GULP1: variants seen among roughly 807,000 people sequenced by gnomAD.
GULP1 encodes GULP PTB domain containing engulfment adaptor 1.
GULP1 carries 19 observed loss-of-function variants against 40.9 expected under a neutral mutation model. That is an observed-to-expected ratio of 0.46 (90% CI 0.32 to 0.68). The LOEUF (loss-of-function observed/expected upper bound fraction) is 0.68. Among genes scored for constraint, GULP1 ranks in the 30% least tolerant of loss-of-function variants. The probability of loss-of-function intolerance (pLI) is 0.03; values close to 1 mark genes in which losing one functional copy is unlikely to be tolerated. For missense variants in GULP1, 312 were observed against 362.2 expected (o/e 0.86, Z 1.12); for synonymous variants, 119 against 117.6 (o/e 1.01, Z -0.08).
At chr2:188,427,756 T>G (rs557678874) in intron 2 of GULP1, among the ~76,000 whole-genome samples, 1 of 152,308 alleles carries the variant, frequency 6.6e-6, no homozygotes, top group South Asian at 2.1e-4. Flanking sequence ...GGTGGAACCC[T>G]CATGGAGAAC....
chr2:188,386,298 A>T (rs2049734902), intron 2 of GULP1, among the ~76,000 whole-genome samples: 1 of 152,100 alleles, frequency 6.6e-6, no homozygotes, highest in Admixed American at 6.6e-5. Flanking sequence ...CCCACTCACT[A>T]TCATGAGAAC....
intron 7 of GULP1, among the ~76,000 whole-genome samples, chr2:188,568,513 T>G (rs183797660): frequency 1.3e-5 from 2 of 152,226 alleles, no homozygotes; most frequent in Non-Finnish European, 2.9e-5. Context: ...GTAAGTTGTT[T>G]ACAAGCCCAA....
chr2:188,549,297 A>T (rs970381403), intron 7 of GULP1, among the ~76,000 whole-genome samples: 1 of 151,884 alleles, frequency 6.6e-6, no homozygotes, highest in Non-Finnish European at 1.5e-5. Flanking sequence ...ATCATTCAAC[A>T]CTCAACAATA....
chr2:188,468,438 A>G (rs2060307136), intron 2 of GULP1, among the ~76,000 whole-genome samples: 1 of 152,190 alleles, frequency 6.6e-6, no homozygotes, highest in African/African-American at 2.4e-5. Context: ...AAATCAATAA[A>G]GTGTATATGA....
intron 9 of GULP1, among the ~76,000 whole-genome samples, chr2:188,578,563 C>CA (rs1452831530): frequency 6.6e-6 from 1 of 151,310 alleles, no homozygotes; most frequent in East Asian, 1.9e-4. Context: ...AAAAGAGCTA[C>CA]AAAAATGTAG....
chr2:188,365,936 A>T (rs1340955009), intron 1 of GULP1, among the ~76,000 whole-genome samples: 2 of 152,240 alleles, frequency 1.3e-5, no homozygotes, highest in Non-Finnish European at 2.9e-5. Context: ...ACAAGTGGCC[A>T]GAACATTAGT....
At chr2:188,501,462 G>A (rs573138432) in intron 4 of GULP1, among the ~76,000 whole-genome samples, 1 of 152,018 alleles carries the variant, frequency 6.6e-6, no homozygotes, top group East Asian at 1.9e-4. Context: ...GTTCTTTATA[G>A]CAGTGGAAAA....
intron 7 of GULP1, among the ~76,000 whole-genome samples, chr2:188,551,017 CA>C (rs967792788): frequency 3.3e-5 from 5 of 151,496 alleles, no homozygotes; most frequent in African/African-American, 9.7e-5. Flanking sequence ...ATTATGACAA[CA>C]AGCAGGAGTG....
intron 1 of GULP1, among the ~76,000 whole-genome samples, chr2:188,299,315 G>A (rs370362148): frequency 2.0e-5 from 3 of 152,262 alleles, no homozygotes; most frequent in South Asian, 2.1e-4. Flanking sequence ...ACAAGGAGAT[G>A]TAAAGAACGA....
intron 1 of GULP1, among the ~76,000 whole-genome samples, chr2:188,343,114 A>T (rs2043179912): frequency 6.6e-6 from 1 of 152,194 alleles, no homozygotes; most frequent in Non-Finnish European, 1.5e-5. Flanking sequence ...CATCAGACAA[A>T]TCTGGATGTT....
chr2:188,544,948 T>C (rs1034420090), intron 7 of GULP1, among the ~76,000 whole-genome samples: 15 of 152,046 alleles, frequency 9.9e-5, no homozygotes, highest in East Asian at 9.7e-4. Flanking sequence ...TATTCAAGCT[T>C]CTGAAAACTA....
chr2:188,530,662 G>A (rs1448064496), intron 6 of GULP1, among the ~76,000 whole-genome samples: 4 of 152,124 alleles, frequency 2.6e-5, no homozygotes, highest in Non-Finnish European at 5.9e-5. Context: ...AGGCCCCAGA[G>A]AAACCAAACC....
chr2:188,394,919 C>T (rs1464301376), intron 2 of GULP1, among the ~76,000 whole-genome samples: 1 of 152,098 alleles, frequency 6.6e-6, no homozygotes, highest in African/African-American at 2.4e-5. Flanking sequence ...ATGGCAAAGG[C>T]CTCTTGAAGC....
intron 4 of GULP1, among the ~76,000 whole-genome samples, chr2:188,488,520 T>G (rs2062057774): frequency 1.3e-5 from 2 of 152,128 alleles, no homozygotes; most frequent in South Asian, 4.1e-4. Flanking sequence ...AACTCTGGAG[T>G]TGACACTAGT....
chr2:188,532,946 T>C (rs889691068), intron 6 of GULP1, among the ~76,000 whole-genome samples: 1 of 151,958 alleles, frequency 6.6e-6, no homozygotes. Context: ...AAGAAAGATA[T>C]GTGAAAAGCT....
At chr2:188,329,742 T>C (rs1431021190) in intron 1 of GULP1, among the ~76,000 whole-genome samples, 2 of 152,062 alleles carry the variant, frequency 1.3e-5, no homozygotes, top group Non-Finnish European at 1.5e-5. Context: ...TAGGAGTCTG[T>C]TGAGAAAGGC....
chr2:188,517,725 T>G (rs1410476108), intron 4 of GULP1, among the ~76,000 whole-genome samples: 1 of 152,186 alleles, frequency 6.6e-6, no homozygotes, highest in Admixed American at 6.5e-5. Flanking sequence ...CCTCGGTCTG[T>G]TTTCCTCAGG....
At chr2:188,496,652 G>C (rs1055103480) in intron 4 of GULP1, among the ~76,000 whole-genome samples, 4 of 151,934 alleles carry the variant, frequency 2.6e-5, no homozygotes, top group Non-Finnish European at 5.9e-5. Flanking sequence ...TTGTGTGTGA[G>C]TGTGGACATA....
rs191927932 is a variant in GULP1 at position 188,320,130 on chromosome 2, C to G, written c.-172+27964C>G. Among the ~76,000 whole-genome samples the G allele has an allele frequency of 4.0e-4, 61 of 152,188 alleles. 1 individual carries two copies. The highest frequency in any genetic ancestry group is 6.9e-4 in the Non-Finnish European group (47 of 67,998). ...AGGCAAAAGCATTCCTAGTTGGTGC[C>G]AAATGTCCGCTGGGAGGAAGACCAT... On this transcript the variant is annotated intron_variant, in intron 1 of 11. Coordinates refer to ENST00000409830, the MANE Select transcript of GULP1 (RefSeq NM_016315.4).
Sources: allele counts gnomAD v4.1 joint callset (sites outside exome capture counted in the v4.1 genomes callset), GRCh38; gene constraint gnomAD v4.1.1; transcripts MANE v1.5; gene names NCBI Gene and HGNC (gene_info 2026-07-23, HGNC 2026-07-21).